The following NFKBIZ variants were observed in gnomAD, a reference collection of about 807,000 sequenced individuals.
The protein encoded by NFKBIZ is NF-kappa-B inhibitor zeta.
Under a neutral mutation model 76.8 loss-of-function variants are expected in NFKBIZ, and 19 were observed. The observed-to-expected ratio is 0.25, with a 90% CI of 0.17 to 0.36. The LOEUF (loss-of-function observed/expected upper bound fraction) is 0.36. Ranked by LOEUF, NFKBIZ falls within the 10% of genes least tolerant of loss-of-function variation. The pLI is 1.00. For synonymous variants in NFKBIZ, 368 were observed against 354.8 expected, an observed-to-expected ratio of 1.04 and a Z score of -0.42; for missense variants, 829 against 910.9, an observed-to-expected ratio of 0.91 and a Z score of 1.16.
chr3:101,839,066 T>C lies in NFKBIZ; in HGVS notation c.-12+9378T>C, dbSNP rs995626290. Among the ~76,000 whole-genome samples, 5 of 152,302 alleles carry C rather than the reference T, an allele frequency of 3.3e-5. No homozygotes were observed. In the East Asian group the frequency reaches 9.6e-4, roughly 29 times the overall value. On this transcript the variant is annotated intron_variant, in intron 2 of 12. Coordinates refer to the NFKBIZ transcript ENST00000394054. ...GATCTATAATTTATTATTTTGTTGGTATTAATATATGTTACATATGATATA... is the reference window on the plus strand; with the variant it reads ...GATCTATAATTTATTATTTTGTTGGCATTAATATATGTTACATATGATATA...
chr3:101,837,270 CT>C (rs577678499), intron 2 of NFKBIZ, among the ~76,000 whole-genome samples: 81 of 152,184 alleles, frequency 5.3e-4, no homozygotes, highest in African/African-American at 1.8e-3. Flanking sequence ...GTAAATCTAG[CT>C]TTTCTTTCTC....
Position 101,849,806 on chromosome 3 carries a change from C to A in NFKBIZ, c.178C>A (p.Pro60Thr). 1 of 1,470,158 alleles carries A rather than the reference C, an allele frequency of 6.8e-7. No individual in the cohort carries two copies. Among genetic ancestry groups the A allele is most frequent in the Non-Finnish European group, 8.9e-7 (1 of 1,118,262 alleles). The allele number at this position is 1,470,158 out of a possible 1,614,324, so 91.1% of individuals were successfully genotyped here. A position where few individuals can be genotyped will look rare whatever the true frequency, so the allele number is the denominator to read the frequency against. Reference sequence around the variant, plus strand: ...CTGCTCGGTCTTGGGCCCCTCGGCGCCCGGCTCGCCCGGCTCCGACTCCTC... The same window carrying A: ...CTGCTCGGTCTTGGGCCCCTCGGCGACCGGCTCGCCCGGCTCCGACTCCTC... ...ASCSVLGPSAPGSPGSDSSDF... is the reference protein window; with the variant it reads ...ASCSVLGPSATGSPGSDSSDF... The change falls in exon 1 of 12, where the codon CCC becomes ACC. Residue 60 changes from proline to threonine, a missense_variant. Physicochemically the swap from Pro to Thr is conservative, Grantham distance 38 (BLOSUM62 -1). Coordinates refer to ENST00000326172, the MANE Select transcript of NFKBIZ (RefSeq NM_031419.4).
chr3:101,849,395 A>C (rs1401568178), upstream of NFKBIZ: 11 of 358,172 alleles, frequency 3.1e-5, no homozygotes, highest in East Asian at 1.3e-4. Context: ...TGGAAATCGG[A>C]CGCATCCGGA....
At chr3:101,845,096 G>A (rs1415183128), upstream of NFKBIZ, among the ~76,000 whole-genome samples, 2 of 151,682 alleles carry the variant, frequency 1.3e-5, no homozygotes, top group Non-Finnish European at 2.9e-5. Flanking sequence ...GTGAAACCCC[G>A]TCTCTATTAA....
chr3:101,835,717 A>G (rs746075109), intron 2 of NFKBIZ, among the ~76,000 whole-genome samples: 11 of 152,166 alleles, frequency 7.2e-5, no homozygotes, highest in Non-Finnish European at 1.3e-4. Flanking sequence ...CCATCTCCAA[A>G]CATAGCCACA....
intron 2 of NFKBIZ, among the ~76,000 whole-genome samples, chr3:101,830,396 G>A (rs769451429): frequency 1.6e-4 from 24 of 152,230 alleles, no homozygotes; most frequent in Admixed American, 4.6e-4. Flanking sequence ...GGTGTATTGC[G>A]TGATGTTGAG....
intron 2 of NFKBIZ, among the ~76,000 whole-genome samples, chr3:101,830,881 C>T (rs967443315): frequency 6.6e-6 from 1 of 152,162 alleles, no homozygotes; most frequent in African/African-American, 2.4e-5. Flanking sequence ...CACAATGCTA[C>T]ATTCTCTATA....
intron 1 of NFKBIZ, among the ~76,000 whole-genome samples, chr3:101,828,339 G>T (rs1942587461): frequency 1.3e-5 from 2 of 152,172 alleles, no homozygotes; most frequent in African/African-American, 4.8e-5. Flanking sequence ...AATATTGGGG[G>T]ATAGTTTTTT....
Position 101,853,543 on chromosome 3 carries a change from C to T in NFKBIZ, c.1017C>T (p.Ser339=). 1.9e-6 allele frequency: 3 copies of T among 1,614,238 alleles called. No individual in the cohort carries two copies. The highest frequency in any genetic ancestry group is 2.5e-6 in the Non-Finnish European group (3 of 1,180,036). Residue 339 remains serine (S), a synonymous_variant, in exon 5 of 12, where the codon AGC becomes AGT. Coordinates refer to ENST00000326172, the MANE Select transcript of NFKBIZ (RefSeq NM_031419.4). ...GPESQFCPNQ[S]LVSLLGDQRE... is the part of the protein sequence containing the mutation. ...AATCACAGTTTTGCCCAAACCAAAG[C>T]TTAGTTTCCCTTCTTGGTGATCAAA...
Position 101,852,118 on chromosome 3 carries a change from G to C in NFKBIZ, c.323G>C (p.Arg108Thr). Residue 108 changes from arginine to threonine, a missense_variant, in exon 2 of 12, where the codon AGA becomes ACA. Arg to Thr is a moderately conservative substitution (Grantham distance 71, BLOSUM62 -1). Transcript: ENST00000326172. The stretch of plus-strand genomic sequence containing the variant: ...CATATGGGGGTTGGCAGGCAGCAGA[G>C]AGGCCCCTTTCAAGGTGTTCGGGTA... ...EPHMGVGRQQ[R>T]GPFQGVRVKN... 6.2e-7 allele frequency: 1 copy of C among 1,614,224 alleles called. No homozygotes were observed.
At chr3:101,834,960 T>C (rs1273140811) in intron 2 of NFKBIZ, among the ~76,000 whole-genome samples, 1 of 152,238 alleles carries the variant, frequency 6.6e-6, no homozygotes, top group East Asian at 1.9e-4. Flanking sequence ...TCTTCTCCTA[T>C]GTTCTCTTCA....
rs750753255 is a variant in NFKBIZ, at chr3:101,857,208, C to T, written c.1935+25C>T. The T allele has an allele frequency of 8.7e-6, 14 of 1,612,192 alleles. No homozygotes were observed. The East Asian group carries it at 3.1e-4, about 36-fold the overall frequency. The stretch of plus-strand genomic sequence containing the variant: ...GGTACACCAGAGTTGGAATGGCCTT[C>T]TGTACACCCTCTCAAAGTTTTTGAG... On this transcript the variant is annotated intron_variant, in intron 10 of 11. Coordinates refer to ENST00000326172, the MANE Select transcript of NFKBIZ (RefSeq NM_031419.4).
chr3:101,852,818 T>C (rs1942988203), intron 3 of NFKBIZ, 50 bp downstream of exon 3: 1 of 1,603,392 alleles, frequency 6.2e-7, no homozygotes, highest in Non-Finnish European at 8.5e-7. Flanking sequence ...GAGTAAATAA[T>C]AGAGTGTAAT....
chr3:101,857,931 TACTGA>T, intron 11 of NFKBIZ: 3 of 859,572 alleles, frequency 3.5e-6, no homozygotes, highest in Non-Finnish European at 4.2e-6. Flanking sequence ...TATGAAGTGA[TACTGA>T]ACAAAAAATG....
At chr3:101,841,205 G>A (rs1438637366) in intron 2 of NFKBIZ, among the ~76,000 whole-genome samples, 2 of 152,158 alleles carry the variant, frequency 1.3e-5, no homozygotes, top group Non-Finnish European at 2.9e-5. Flanking sequence ...TACTTTTAAA[G>A]ACAACCTTTT....
intron 5 of NFKBIZ, 76 bp from the exon 6 acceptor site, chr3:101,854,501 AT>A (rs34931768): frequency 0.15 from 100,619 of 659,538 alleles, 110 homozygotes; most frequent in South Asian, 0.17. Context: ...CTAAAGGAAG[AT>A]TTTTTTTTTT....
At position 101,849,535 on chromosome 3, in the gene NFKBIZ, C is replaced by G. The variant is rs1478103756; in HGVS notation, c.-94C>G. On this transcript the variant is annotated 5_prime_UTR_variant, in exon 1 of 12. Transcript: ENST00000326172. Reference sequence around the variant, plus strand: ...GCCCGTACTGGCCCGCGCCGTCCGCCCGCCGACAGCTCCCTGAGCCAGCCC... The same window carrying G: ...GCCCGTACTGGCCCGCGCCGTCCGCGCGCCGACAGCTCCCTGAGCCAGCCC... The G allele has an allele frequency of 1.7e-6, 2 of 1,146,214 alleles. No homozygotes were observed. The highest frequency in any genetic ancestry group is 2.2e-6 in the Non-Finnish European group (2 of 897,174). 71.0% of individuals were successfully genotyped at this position (1,146,214 alleles called of 1,614,324 possible). A position where few individuals can be genotyped will look rare whatever the true frequency, so the allele number is the denominator to read the frequency against.
intron 9 of NFKBIZ, chr3:101,856,137 G>A (rs966565811): frequency 1.5e-5 from 4 of 258,946 alleles, no homozygotes; most frequent in Admixed American, 1.0e-4. Context: ...TGCAACCTCC[G>A]ACTCCCTGGT....
At chr3:101,844,367 T>C (rs1942824004) in intron 2 of NFKBIZ, among the ~76,000 whole-genome samples, 1 of 152,228 alleles carries the variant, frequency 6.6e-6, no homozygotes. Flanking sequence ...TTTATTCTTT[T>C]TCTTTCTGCA....
Sources: allele counts gnomAD v4.1 joint callset (sites outside exome capture counted in the v4.1 genomes callset), GRCh38; gene constraint gnomAD v4.1.1; transcripts MANE v1.5; gene names NCBI Gene and HGNC (gene_info 2026-07-23, HGNC 2026-07-21).